Variants in MICU3 observed in about 807,000 individuals in gnomAD.
The protein encoded by MICU3 is mitochondrial calcium uptake 3, also known as calcium uptake protein 3, mitochondrial.
A neutral mutation model predicts 66.5 loss-of-function variants in MICU3; 62 were observed. The ratio of observed to expected loss-of-function variants is 0.93; its 90% CI spans 0.76 to 1.15. The LOEUF (loss-of-function observed/expected upper bound fraction) is 1.15, where lower values mean the gene tolerates loss of function less well. MICU3 is among the 50% of genes most tolerant of loss of function. The pLI, the probability that MICU3 is intolerant of heterozygous loss-of-function variation, is 0.00. For synonymous variants in MICU3, 308 were observed against 240.7 expected, an observed-to-expected ratio of 1.28 and a Z score of -2.59; for missense variants, 779 against 664.4, an observed-to-expected ratio of 1.17 and a Z score of -1.90.
At chr8:17,093,895 C>T (rs902519174) in intron 8 of MICU3, among the ~76,000 whole-genome samples, 4 of 151,804 alleles carry the variant, frequency 2.6e-5, no homozygotes, top group Non-Finnish European at 4.4e-5. Flanking sequence ...ATAATTAAAA[C>T]GTAAATATAC....
At chr8:17,047,336 G>T (rs1372642373) in intron 1 of MICU3, among the ~76,000 whole-genome samples, 1 of 152,130 alleles carries the variant, frequency 6.6e-6, no homozygotes, top group African/African-American at 2.4e-5. Flanking sequence ...ATGAAGATAT[G>T]TCAAATATTA....
At chr8:17,048,079 A>T (rs1815398761) in intron 1 of MICU3, among the ~76,000 whole-genome samples, 2 of 152,350 alleles carry the variant, frequency 1.3e-5, no homozygotes, top group South Asian at 4.1e-4. Flanking sequence ...ATCCAGGTGG[A>T]TTAGAATCCT....
intron 1 of MICU3, among the ~76,000 whole-genome samples, chr8:17,059,210 A>G (rs547684749): frequency 1.2e-4 from 19 of 152,320 alleles, no homozygotes; most frequent in Admixed American, 1.2e-3. Flanking sequence ...CACCCAACAC[A>G]TTTTAAATAT....
the MICU3 span, among the ~76,000 whole-genome samples, chr8:17,134,471 G>A: frequency 3.3e-5 from 5 of 149,646 alleles, no homozygotes; most frequent in Non-Finnish European, 5.9e-5. Flanking sequence ...TTGAGACAGA[G>A]CCTCACTCTG....
the MICU3 span, among the ~76,000 whole-genome samples, chr8:17,133,763 T>C: frequency 6.6e-6 from 1 of 152,162 alleles, no homozygotes; most frequent in Non-Finnish European, 1.5e-5. Context: ...ATTCTTCCTT[T>C]TTGCCACCTA....
At chr8:17,033,565 T>C (rs1812449084) in intron 1 of MICU3, among the ~76,000 whole-genome samples, 1 of 152,000 alleles carries the variant, frequency 6.6e-6, no homozygotes, top group Admixed American at 6.6e-5. Flanking sequence ...GCCTCCCGAG[T>C]AGCTGGGACT....
chr8:17,061,028 A>C (rs1334449926), intron 1 of MICU3, among the ~76,000 whole-genome samples: 1 of 152,160 alleles, frequency 6.6e-6, no homozygotes, highest in Non-Finnish European at 1.5e-5. Flanking sequence ...TTAGGTGGTT[A>C]AAGAATGCAA....
intron 1 of MICU3, among the ~76,000 whole-genome samples, chr8:17,037,311 G>A (rs1366864701): frequency 6.6e-6 from 1 of 152,194 alleles, no homozygotes; most frequent in African/African-American, 2.4e-5. Context: ...TGCCAAAGTG[G>A]GAGCCCAGGC....
chr8:17,043,126 A>G (rs1192573889), intron 1 of MICU3, among the ~76,000 whole-genome samples: 3 of 151,212 alleles, frequency 2.0e-5, no homozygotes, highest in African/African-American at 7.3e-5. Flanking sequence ...TTTTTAGTAG[A>G]GACGGGGTTT....
intron 7 of MICU3, 96 bp from the exon 8 acceptor site, chr8:17,090,450 T>C: frequency 2.0e-6 from 2 of 998,642 alleles, no homozygotes; most frequent in East Asian, 2.4e-5. Context: ...CCCTTCCTAA[T>C]TGATTATTTT....
chr8:17,049,496 A>G, intron 1 of MICU3: 1 of 485,426 alleles, frequency 2.1e-6, no homozygotes, highest in Non-Finnish European at 4.1e-6. Flanking sequence ...TAATCTTTAC[A>G]GTTTGTGGGC....
the MICU3 span, among the ~76,000 whole-genome samples, chr8:17,136,825 G>A: frequency 2.0e-5 from 3 of 151,748 alleles, no homozygotes; most frequent in Non-Finnish European, 4.4e-5. Flanking sequence ...CCACAACTCA[G>A]GGGAGATAAA....
intron 1 of MICU3, among the ~76,000 whole-genome samples, chr8:17,031,764 ACAG>A (rs1391105580): frequency 1.3e-5 from 2 of 152,214 alleles, no homozygotes; most frequent in African/African-American, 4.8e-5. Flanking sequence ...ATGTAAGTGA[ACAG>A]CAGTAACTTA....
rs932232431 is a variant in MICU3 at position 17,034,826 on chromosome 8, C to G, written c.381+7166C>G. 4.6e-5 allele frequency among the ~76,000 whole-genome samples: 7 copies of G among 152,290 alleles called. 1 individual carries two copies. Among genetic ancestry groups the G allele is most frequent in the African/African-American group, 1.7e-4 (7 of 41,556 alleles). Reference sequence around the variant, plus strand: ...TGGTTTCTTGAGATGTAGTCTAATCCTGGTGAAGATGCTGTGAACATTGTT... The same window carrying G: ...TGGTTTCTTGAGATGTAGTCTAATCGTGGTGAAGATGCTGTGAACATTGTT... On this transcript the variant is annotated intron_variant, in intron 1 of 14. Transcript: ENST00000318063.
At chr8:17,034,777 G>A (rs569918631) in intron 1 of MICU3, among the ~76,000 whole-genome samples, 3 of 152,194 alleles carry the variant, frequency 2.0e-5, no homozygotes, top group Admixed American at 6.5e-5. Flanking sequence ...ACGAGGACTT[G>A]CCTCTATGAA....
chr8:17,070,552 A>C (rs1819405514), intron 3 of MICU3, among the ~76,000 whole-genome samples: 3 of 152,058 alleles, frequency 2.0e-5, no homozygotes, highest in Admixed American at 2.0e-4. Flanking sequence ...AAGAGGCTTT[A>C]AAGTACTGCT....
At chr8:17,029,745 G>A (rs957824658) in intron 1 of MICU3, among the ~76,000 whole-genome samples, 1 of 151,998 alleles carries the variant, frequency 6.6e-6, no homozygotes, top group Non-Finnish European at 1.5e-5. Context: ...TTCACTGATT[G>A]TGCTAGGTTC....
chr8:17,056,394 G>T (rs983694101), intron 1 of MICU3, among the ~76,000 whole-genome samples: 1 of 152,148 alleles, frequency 6.6e-6, no homozygotes, highest in Non-Finnish European at 1.5e-5. Flanking sequence ...TACCTTTCCT[G>T]TCTGGCTTCT....
intron 8 of MICU3, among the ~76,000 whole-genome samples, chr8:17,095,014 G>T (rs1041941344): frequency 7.9e-5 from 12 of 151,908 alleles, no homozygotes; most frequent in Non-Finnish European, 1.3e-4. Flanking sequence ...AATTTCAGCG[G>T]TTAAATTTCT....
Sources: allele counts gnomAD v4.1 joint callset (sites outside exome capture counted in the v4.1 genomes callset), GRCh38; gene constraint gnomAD v4.1.1; transcripts MANE v1.5; gene names NCBI Gene and HGNC (gene_info 2026-07-23, HGNC 2026-07-21).